KRAS: variants seen among roughly 807,000 people sequenced by gnomAD.
KRAS encodes KRas proto-oncogene, GTPase, also known as GTPase KRas.
In KRAS, 1 loss-of-function variant was observed where a neutral mutation model predicts 21.0. The observed-to-expected ratio is 0.05, with a 90% CI of 0.02 to 0.23. KRAS has a LOEUF of 0.23. KRAS is among the 10% of genes least tolerant of loss of function. The pLI is 1.00. For missense variants in KRAS, 107 were observed against 221.8 expected (o/e 0.48, Z 3.29); for synonymous variants, 67 against 72.5 (o/e 0.92, Z 0.39).
chr12:25,229,209 C>T (rs1472854721), intron 2 of KRAS, among the ~76,000 whole-genome samples: 1 of 152,026 alleles, frequency 6.6e-6, no homozygotes, highest in Non-Finnish European at 1.5e-5. Context: ...ATTGACAAAA[C>T]AAAATAATTT....
intron 2 of KRAS, among the ~76,000 whole-genome samples, chr12:25,242,983 G>A (rs10842517): frequency 0.19 from 28,801 of 152,018 alleles, 2,845 homozygotes; most frequent in Middle Eastern, 0.24. Flanking sequence ...AGTATTACTT[G>A]ATTTAAATTT....
chr12:25,236,958 C>T (rs1430572067), intron 2 of KRAS, among the ~76,000 whole-genome samples: 2 of 152,046 alleles, frequency 1.3e-5, no homozygotes, highest in African/African-American at 4.8e-5. Flanking sequence ...TTTATAGTGG[C>T]ATTATTCAAA....
rs958790148 is a variant in KRAS, at chr12:25,227,356, G to A, written c.168C>T (p.Leu56=). The A allele has an allele frequency of 6.8e-6, 11 of 1,613,966 alleles. No homozygotes were observed. Among genetic ancestry groups the A allele is most frequent in the Non-Finnish European group, 8.5e-6 (10 of 1,179,934 alleles). ...IDGETCLLDI[L]DTAGQEEYSA... ...TGTACTCCTCTTGACCTGCTGTGTC[G>A]AGAATATCCAAGAGACAGGTTTCTC... Residue 56 remains leucine (L), a synonymous_variant, in exon 3 of 5, where the codon CTC becomes CTT. Coordinates refer to ENST00000311936, the MANE Select transcript of KRAS (RefSeq NM_004985.5).
rs61762445 is a variant in KRAS at position 25,212,229 on chromosome 12, TCTA to T, written c.451-2321_451-2319del. On this transcript the variant is annotated intron_variant, in intron 4 of 4. Transcript: ENST00000311936. Reference sequence around the variant, plus strand: ...ACATCCTTATGTAATCTACTCCATTTCTACTACTTTTACAATGAAGAAAAATGC... The same window carrying T: ...ACATCCTTATGTAATCTACTCCATTTCTACTTTTACAATGAAGAAAAATGC... 3.4e-3 allele frequency among the ~76,000 whole-genome samples: 515 copies of T among 152,326 alleles called. 7 individuals carry two copies. Among genetic ancestry groups the T allele is most frequent in the African/African-American group, 0.012 (496 of 41,580 alleles).
chr12:25,222,334 A>AG (rs1951337603), intron 4 of KRAS, among the ~76,000 whole-genome samples: 1 of 152,184 alleles, frequency 6.6e-6, no homozygotes, highest in Non-Finnish European at 1.5e-5. Flanking sequence ...TACTCGGAAT[A>AG]GCTCTTTAAA....
rs1951155845 is a variant in KRAS, at chr12:25,207,875, A to G, written c.*1920T>C. 4.3e-6 allele frequency: 1 copy of G among 233,096 alleles called. No homozygotes were observed. The highest frequency in any genetic ancestry group is 1.8e-4 in the South Asian group (1 of 5,532). 14.4% of individuals were successfully genotyped at this position (233,096 alleles called of 1,614,324 possible). ...CATTTCTGATGTGACTCAGTGGGAAAACTTCATGGAGATATCCACAGCAGC... is the reference window on the plus strand; with the variant it reads ...CATTTCTGATGTGACTCAGTGGGAAGACTTCATGGAGATATCCACAGCAGC... On this transcript the variant is annotated 3_prime_UTR_variant, in exon 5 of 5. Transcript: ENST00000311936.
intron 2 of KRAS, among the ~76,000 whole-genome samples, chr12:25,242,282 A>C (rs1951619432): frequency 5.3e-5 from 8 of 152,210 alleles, no homozygotes; most frequent in Admixed American, 5.2e-4. Flanking sequence ...TATTATATAC[A>C]GTAGATACTT....
intron 1 of KRAS, among the ~76,000 whole-genome samples, chr12:25,248,362 A>G (rs1002286943): frequency 6.6e-6 from 1 of 152,082 alleles, no homozygotes; most frequent in African/African-American, 2.4e-5. Context: ...AGGCGGGAGA[A>G]TCGCTTGAGC....
At chr12:25,250,458 C>G (rs1250753620) in intron 1 of KRAS, among the ~76,000 whole-genome samples, 1 of 151,986 alleles carries the variant, frequency 6.6e-6, no homozygotes, top group East Asian at 1.9e-4. Flanking sequence ...CCGCGGCTCT[C>G]GGGGAGGAGG....
intron 4 of KRAS, among the ~76,000 whole-genome samples, chr12:25,214,956 C>T (rs917838503): frequency 2.6e-5 from 4 of 151,958 alleles, no homozygotes; most frequent in Non-Finnish European, 5.9e-5. Flanking sequence ...ACTGAGATGG[C>T]GAACTTAGGC....
intron 2 of KRAS, among the ~76,000 whole-genome samples, chr12:25,241,680 G>A (rs964478632): frequency 4.6e-5 from 7 of 152,164 alleles, no homozygotes; most frequent in African/African-American, 7.2e-5. Context: ...GGGCTTTCCC[G>A]TGCACTGCAG....
chr12:25,219,501 G>A (rs770614456), intron 4 of KRAS, among the ~76,000 whole-genome samples: 1 of 152,158 alleles, frequency 6.6e-6, no homozygotes, highest in Non-Finnish European at 1.5e-5. Context: ...AAGAGATTTT[G>A]TTTTAAGTAA....
chr12:25,241,658 A>C (rs1370314658), intron 2 of KRAS, among the ~76,000 whole-genome samples: 1 of 152,164 alleles, frequency 6.6e-6, no homozygotes, highest in Non-Finnish European at 1.5e-5. Flanking sequence ...GGGTCAGATA[A>C]CCCTGTTGTG....
intron 2 of KRAS, among the ~76,000 whole-genome samples, chr12:25,227,833 A>G (rs1487062044): frequency 1.3e-5 from 2 of 152,200 alleles, no homozygotes; most frequent in Non-Finnish European, 2.9e-5. Flanking sequence ...TATGATCAGC[A>G]ATTCCATTCC....
Position 25,208,482 on chromosome 12 carries a change from T to G in KRAS, c.*1313A>C, listed in dbSNP as rs1486301680. ...GAGAACTAGCCAAACCTAGAGATTG[T>G]AAAACTTTTTCACTTCATTGTTTAA... On this transcript the variant is annotated 3_prime_UTR_variant, in exon 5 of 5. Coordinates refer to ENST00000311936, the MANE Select transcript of KRAS (RefSeq NM_004985.5). 4.3e-6 allele frequency: 1 copy of G among 233,174 alleles called. No homozygotes were observed. Among genetic ancestry groups the G allele is most frequent in the Non-Finnish European group, 8.5e-6 (1 of 117,848 alleles). 14.4% of individuals were successfully genotyped at this position (233,174 alleles called of 1,614,324 possible). A position where few individuals can be genotyped will look rare whatever the true frequency, so the allele number is the denominator to read the frequency against.
intron 2 of KRAS, among the ~76,000 whole-genome samples, chr12:25,240,594 C>A (rs552315238): frequency 1.9e-4 from 29 of 152,262 alleles, no homozygotes; most frequent in African/African-American, 6.0e-4. Context: ...GTATCTCTAG[C>A]CCACAGGAAG....
chr12:25,212,054 A>C (rs1279941300), intron 4 of KRAS, among the ~76,000 whole-genome samples: 1 of 152,186 alleles, frequency 6.6e-6, no homozygotes, highest in African/African-American at 2.4e-5. Flanking sequence ...TAGAGGGGAA[A>C]ATTTCCAATG....
At chr12:25,231,525 A>G (rs11047908) in intron 2 of KRAS, among the ~76,000 whole-genome samples, 7,544 of 152,266 alleles carry the variant, frequency 0.05, 256 homozygotes, top group East Asian at 0.11. Context: ...GTTTATGTAC[A>G]TATTTCATAA....
At position 25,208,755 on chromosome 12, in the gene KRAS, T is replaced by C. The variant is rs1464639734; in HGVS notation, c.*1040A>G. The C allele has an allele frequency of 4.3e-6, 1 of 233,020 alleles. No homozygotes were observed. Among genetic ancestry groups the C allele is most frequent in the Non-Finnish European group, 8.5e-6 (1 of 118,168 alleles). 14.4% of individuals were successfully genotyped at this position (233,020 alleles called of 1,614,324 possible). Reference sequence around the variant, plus strand: ...GACCGTGGGGACACAGTCCATGCTGTGAAACTCTCTATGAAAGCTCAAAGG... The same window carrying C: ...GACCGTGGGGACACAGTCCATGCTGCGAAACTCTCTATGAAAGCTCAAAGG... On this transcript the variant is annotated 3_prime_UTR_variant, in exon 5 of 5. Coordinates refer to ENST00000311936, the MANE Select transcript of KRAS (RefSeq NM_004985.5).
Sources: gnomAD v4.1 joint callset for allele counts (sites outside exome capture counted in the v4.1 genomes callset) on GRCh38, gnomAD v4.1.1 for gene constraint, MANE v1.5 for transcripts, NCBI Gene and HGNC (gene_info 2026-07-23, HGNC 2026-07-21) for gene names.